DDR2: variants seen among roughly 807,000 people sequenced by gnomAD.
DDR2 encodes the protein discoidin domain receptor tyrosine kinase 2.
In DDR2, 27 loss-of-function variants were observed where a neutral mutation model predicts 94.9. The observed-to-expected ratio is 0.28, with a 90% CI of 0.21 to 0.39. The LOEUF (loss-of-function observed/expected upper bound fraction) is 0.39, where lower values mean the gene tolerates loss of function less well. Among genes scored for constraint, DDR2 ranks in the 10% least tolerant of loss-of-function variants. The pLI, the probability that DDR2 is intolerant of heterozygous loss-of-function variation, is 1.00. For missense variants in DDR2, 783 were observed against 1,076.0 expected (o/e 0.73, Z 3.81); for synonymous variants, 382 against 377.2 (o/e 1.01, Z -0.15).
Position 162,778,611 on chromosome 1 carries a change from C to A in DDR2, c.2315C>A (p.Ala772Asp), listed in dbSNP as rs2102206177. ...GKFTTASDVW[A>D]FGVTLWETFT... ...TTCACTACAGCAAGTGATGTGTGGG[C>A]CTTTGGGGTTACTTTGTGGGAGACT... is the stretch of plus-strand genomic sequence containing the variant. The change falls in exon 17 of 18, where the codon GCC (alanine) becomes GAC (aspartate). Residue 772 changes from alanine to aspartate, a missense_variant. This residue lies in a region of DDR2 where 264 missense variants were observed against 428.2 expected (regional missense o/e 0.62). Coordinates refer to ENST00000367921, the MANE Select transcript of DDR2 (RefSeq NM_006182.4). The A allele has an allele frequency of 6.2e-7, 1 of 1,613,956 alleles. No individual in the cohort carries two copies. The highest frequency in any genetic ancestry group is 8.5e-7 in the Non-Finnish European group (1 of 1,179,922).
rs545593269 is a variant in DDR2 at position 162,690,856 on chromosome 1, G to C, written c.-27-28181G>C. 7.9e-5 allele frequency among the ~76,000 whole-genome samples: 12 copies of C among 152,330 alleles called. No individual in the cohort carries two copies. In the South Asian group the frequency reaches 1.9e-3, roughly 24 times the overall value. ...CTTTCGGTTAAGAATCATGGGAATA[G>C]TATTCTTGCTCTAAAAACGGACCTA... On this transcript the variant is annotated intron_variant, in intron 2 of 17. Transcript: ENST00000367921.
intron 11 of DDR2, 97 bp from the exon 12 acceptor site, chr1:162,770,205 G>A (rs1208400084): frequency 8.3e-7 from 1 of 1,210,888 alleles, no homozygotes; most frequent in African/African-American, 1.5e-5. Flanking sequence ...GTAGTAAAGA[G>A]TTATTTCATT....
In DDR2 at chr1:162,760,510, A is replaced by ATATATGTATATACATATACAAC. The variant is rs1558070659; in HGVS notation, c.855+536_855+537insGTATATACATATACAACTATAT. ...TATATATGTATATACATATACAACT[A>ATATATGTATATACATATACAAC]TATATATGTATATACATATACAACT... is the stretch of plus-strand genomic sequence containing the variant. On this transcript the variant is annotated intron_variant, in intron 8 of 17. Transcript: ENST00000367921. 5.2e-4 allele frequency among the ~76,000 whole-genome samples: 31 copies of ATATATGTATATACATATACAAC among 59,496 alleles called. 3 individuals carry two copies. Among genetic ancestry groups the ATATATGTATATACATATACAAC allele is most frequent in the African/African-American group, 1.1e-3 (23 of 20,380 alleles). The allele number at this position is 59,496 out of a possible 152,430, so 39.0% of individuals were successfully genotyped here.
intron 2 of DDR2, among the ~76,000 whole-genome samples, chr1:162,661,172 C>T (rs576102577): frequency 1.4e-4 from 21 of 152,278 alleles, no homozygotes; most frequent in African/African-American, 5.1e-4. Flanking sequence ...TTCCAAAATC[C>T]ATTTAATATG....
At chr1:162,659,733 G>T (rs958600803) in intron 2 of DDR2, among the ~76,000 whole-genome samples, 1 of 152,150 alleles carries the variant, frequency 6.6e-6, no homozygotes. Flanking sequence ...AAGATTAAAG[G>T]TGTCATAACT....
chr1:162,635,792 T>C (rs1013888129), intron 1 of DDR2, among the ~76,000 whole-genome samples: 3 of 152,216 alleles, frequency 2.0e-5, no homozygotes, highest in South Asian at 2.1e-4. Flanking sequence ...AGGTTGGAGA[T>C]TGGGAATCAG....
At chr1:162,706,459 A>G (rs1414343668) in intron 2 of DDR2, among the ~76,000 whole-genome samples, 1 of 152,226 alleles carries the variant, frequency 6.6e-6, no homozygotes, top group African/African-American at 2.4e-5. Context: ...GAAGGAAAGC[A>G]TACATTTACC....
intron 2 of DDR2, among the ~76,000 whole-genome samples, chr1:162,697,808 G>C (rs1475108303): frequency 6.6e-6 from 1 of 152,186 alleles, no homozygotes; most frequent in African/African-American, 2.4e-5. Flanking sequence ...TGAGGCTTGA[G>C]TGTTAAGGAA....
chr1:162,633,607 G>T (rs1049231284), intron 1 of DDR2, among the ~76,000 whole-genome samples: 2 of 152,218 alleles, frequency 1.3e-5, no homozygotes, highest in African/African-American at 2.4e-5. Flanking sequence ...TCTACTGCTA[G>T]TCCAGTGTTC....
At chr1:162,652,106 G>A (rs889723836) in intron 1 of DDR2, among the ~76,000 whole-genome samples, 2 of 152,184 alleles carry the variant, frequency 1.3e-5, no homozygotes, top group South Asian at 2.1e-4. Flanking sequence ...TGCCCTTGTT[G>A]GGGCTGCTTG....
intron 2 of DDR2, among the ~76,000 whole-genome samples, chr1:162,670,625 G>T (rs1039591573): frequency 8.6e-5 from 13 of 151,564 alleles, no homozygotes; most frequent in African/African-American, 3.2e-4. Flanking sequence ...AGAAACTGTT[G>T]CCCTCTAGTT....
intron 2 of DDR2, among the ~76,000 whole-genome samples, chr1:162,677,935 G>A (rs937455822): frequency 1.3e-5 from 2 of 152,066 alleles, no homozygotes; most frequent in Non-Finnish European, 2.9e-5. Flanking sequence ...TTGAGCAAAG[G>A]TTTTTTTATT....
chr1:162,709,662 C>T (rs1037414608), intron 2 of DDR2, among the ~76,000 whole-genome samples: 1 of 152,192 alleles, frequency 6.6e-6, no homozygotes, highest in African/African-American at 2.4e-5. Flanking sequence ...ACCTTCTGCT[C>T]ACCAGCACAT....
rs889505598 is a variant in DDR2 at position 162,785,688 on chromosome 1, T to C, written c.*5442T>C. The C allele has an allele frequency of 7.2e-5, 11 of 152,190 alleles. No homozygotes were observed. Among genetic ancestry groups the C allele is most frequent in the African/African-American group, 2.7e-4 (11 of 41,440 alleles). The allele number at this position is 152,190 out of a possible 1,614,324, so 9.4% of individuals were successfully genotyped here. On this transcript the variant is annotated 3_prime_UTR_variant, in exon 18 of 18. Coordinates refer to ENST00000367921, the MANE Select transcript of DDR2 (RefSeq NM_006182.4). ...ATAGAAACAAAAACTTCTCATCCAG[T>C]TAACTAGAGTGAATGTAGGGAGAAT...
Position 162,673,608 on chromosome 1 carries a change from TGAGAGAGA to T in DDR2, c.-28+18265_-28+18272del, listed in dbSNP as rs10684469. Among the ~76,000 whole-genome samples the T allele has an allele frequency of 4.5e-3, 525 of 117,242 alleles. 8 individuals carry two copies. The East Asian group carries it at 0.051, about 11-fold the overall frequency. The allele number at this position is 117,242 out of a possible 152,430, so 76.9% of individuals were successfully genotyped here. ...GTGTGTGTGTGTATGTGTGTGTGTG[TGAGAGAGA>T]GAGAGAGAGAGAGAGAGAGAGAGAG... is the stretch of plus-strand genomic sequence containing the variant. On this transcript the variant is annotated intron_variant, in intron 2 of 17. Coordinates refer to ENST00000367921, the MANE Select transcript of DDR2 (RefSeq NM_006182.4).
rs114058927 is a variant in DDR2, at chr1:162,769,685, C to A, written c.1294-617C>A. 3.6e-3 allele frequency among the ~76,000 whole-genome samples: 545 copies of A among 152,286 alleles called. 3 individuals are homozygous for A. Among genetic ancestry groups the A allele is most frequent in the African/African-American group, 0.012 (491 of 41,570 alleles). ...CAGGCAGGTTATATTAGATAAGATACCACAGAAGTAGTTGCTTTGTTGTTC... is the reference window on the plus strand; with the variant it reads ...CAGGCAGGTTATATTAGATAAGATAACACAGAAGTAGTTGCTTTGTTGTTC... On this transcript the variant is annotated intron_variant, in intron 11 of 17. Transcript: ENST00000367921.
chr1:162,778,747 T>A lies in DDR2; in HGVS notation c.2433+18T>A, dbSNP rs374342260. 1 of 1,613,522 alleles carries A rather than the reference T, an allele frequency of 6.2e-7. No homozygotes were observed. Among genetic ancestry groups the A allele is most frequent in the African/African-American group, 1.3e-5 (1 of 74,888 alleles). ...GGAGGCAGGTAAGAACTGTTGGGGA[T>A]GAATGGATGTGGACCTGTGTACCTT... On this transcript the variant is annotated intron_variant, in intron 17 of 17. Coordinates refer to ENST00000367921, the MANE Select transcript of DDR2 (RefSeq NM_006182.4).
chr1:162,675,274 G>C (rs1659073962), intron 2 of DDR2, among the ~76,000 whole-genome samples: 1 of 152,188 alleles, frequency 6.6e-6, no homozygotes, highest in Non-Finnish European at 1.5e-5. Flanking sequence ...GAGATTACAG[G>C]GTAGCAGGGA....
intron 16 of DDR2, among the ~76,000 whole-genome samples, chr1:162,777,149 G>A (rs73026579): frequency 6.6e-6 from 1 of 152,006 alleles, no homozygotes; most frequent in Non-Finnish European, 1.5e-5. Flanking sequence ...AAAATGTATA[G>A]TTATTCCCTT....
Sources: allele counts gnomAD v4.1 joint callset (sites outside exome capture counted in the v4.1 genomes callset), GRCh38; gene constraint gnomAD v4.1.1; regional missense constraint gnomAD v4.1.1; transcripts MANE v1.5; gene names NCBI Gene and HGNC (gene_info 2026-07-23, HGNC 2026-07-21).